RAB11A: variants seen among roughly 807,000 people sequenced by gnomAD.
RAB11A encodes RAB11A, member RAS oncogene family.
A neutral mutation model predicts 28.0 loss-of-function variants in RAB11A; 9 were observed. The observed-to-expected ratio is 0.32, with a 90% CI of 0.19 to 0.56. RAB11A has a LOEUF of 0.56. Among genes scored for constraint, RAB11A ranks in the 20% least tolerant of loss-of-function variants. The probability of loss-of-function intolerance (pLI) is 0.91; values close to 1 mark genes in which losing one functional copy is unlikely to be tolerated. For missense variants in RAB11A, 108 were observed against 269.6 expected (o/e 0.40, Z 4.20); for synonymous variants, 85 against 88.2 (o/e 0.96, Z 0.20).
chr15:65,873,042 T>C (rs2078172361), intron 1 of RAB11A, among the ~76,000 whole-genome samples: 1 of 152,190 alleles, frequency 6.6e-6, no homozygotes, highest in South Asian at 2.1e-4. Flanking sequence ...GTGGTCTAAA[T>C]AGGAATGTAA....
intron 4 of RAB11A, among the ~76,000 whole-genome samples, chr15:65,887,259 C>T (rs1346285381): frequency 1.3e-5 from 2 of 151,756 alleles, no homozygotes; most frequent in Non-Finnish European, 2.9e-5. Flanking sequence ...CGACAACCTC[C>T]GCCTCCCGGG....
chr15:65,876,185 A>C (rs1212651190), intron 1 of RAB11A, among the ~76,000 whole-genome samples: 5 of 152,230 alleles, frequency 3.3e-5, no homozygotes. Flanking sequence ...TTAGTAAATA[A>C]ACTGCTGCCT....
At chr15:65,883,777 C>T (rs1174484976) in intron 4 of RAB11A, among the ~76,000 whole-genome samples, 1 of 152,012 alleles carries the variant, frequency 6.6e-6, no homozygotes, top group African/African-American at 2.4e-5. Flanking sequence ...GTCTCTAACT[C>T]CTGGCCTCAC....
At chr15:65,876,497 A>T (rs1181193025) in intron 1 of RAB11A, among the ~76,000 whole-genome samples, 1 of 152,062 alleles carries the variant, frequency 6.6e-6, no homozygotes, top group African/African-American at 2.4e-5. Context: ...GGTTTTCACC[A>T]TGTTGGCCAG....
intron 1 of RAB11A, among the ~76,000 whole-genome samples, chr15:65,871,753 C>T (rs2141099724): frequency 6.6e-6 from 1 of 152,016 alleles, no homozygotes; most frequent in East Asian, 1.9e-4. Context: ...TACTTTATGA[C>T]CTTGGAAAAG....
intron 4 of RAB11A, among the ~76,000 whole-genome samples, chr15:65,880,588 T>C (rs1333453016): frequency 6.6e-6 from 1 of 152,216 alleles, no homozygotes; most frequent in Non-Finnish European, 1.5e-5. Context: ...GTAACAAGTT[T>C]TGATTTATTG....
rs2078299215 is a variant in RAB11A at position 65,891,850 on chromosome 15, G to C, written c.*4010G>C. On this transcript the variant is annotated 3_prime_UTR_variant, in exon 5 of 5. Transcript: ENST00000261890. ...CATCAAAGTACCATATATGCTAAGG[G>C]AGAGGAGCACTTGATGGGCTGCTAT... 6.6e-6 allele frequency: 1 copy of C among 152,106 alleles called. No individual in the cohort carries two copies. Among genetic ancestry groups the C allele is most frequent in the Non-Finnish European group, 1.5e-5 (1 of 68,026 alleles). The allele number at this position is 152,106 out of a possible 1,614,324, so 9.4% of individuals were successfully genotyped here. A position where few individuals can be genotyped will look rare whatever the true frequency, so the allele number is the denominator to read the frequency against.
intron 3 of RAB11A, 121 bp from the exon 4 acceptor site, chr15:65,879,550 C>A: frequency 3.1e-6 from 2 of 640,620 alleles, no homozygotes; most frequent in South Asian, 2.2e-5. Flanking sequence ...CCTTACTGTC[C>A]CAGAAGTTGA....
At chr15:65,883,053 CTCA>C (rs1842488508) in intron 4 of RAB11A, among the ~76,000 whole-genome samples, 1 of 152,130 alleles carries the variant, frequency 6.6e-6, no homozygotes, top group South Asian at 2.1e-4. Flanking sequence ...CATGATGACC[CTCA>C]TCCTTGAGTA....
intron 4 of RAB11A, among the ~76,000 whole-genome samples, chr15:65,884,814 T>C (rs1174596244): frequency 6.6e-6 from 1 of 151,404 alleles, no homozygotes. Flanking sequence ...AGCAGGTAAC[T>C]TCTAGCTGTC....
At chr15:65,887,376 T>C (rs1030775189) in intron 4 of RAB11A, among the ~76,000 whole-genome samples, 9 of 152,192 alleles carry the variant, frequency 5.9e-5, no homozygotes, top group African/African-American at 2.2e-4. Flanking sequence ...TTTCACCATG[T>C]TGGTCAGGCT....
At chr15:65,872,354 CCATGGGTTATGGTTT>C (rs1347560289) in intron 1 of RAB11A, among the ~76,000 whole-genome samples, 1 of 151,606 alleles carries the variant, frequency 6.6e-6, no homozygotes, top group Non-Finnish European at 1.5e-5. Flanking sequence ...TTTTATGTTT[CCATGGGTTATGGTTT>C]CATTTTGTTG....
chr15:65,882,931 C>T (rs1198550865), intron 4 of RAB11A, among the ~76,000 whole-genome samples: 3 of 152,204 alleles, frequency 2.0e-5, no homozygotes, highest in Non-Finnish European at 4.4e-5. Context: ...AAATATCCTT[C>T]ACCCATATTC....
chr15:65,875,272 G>T lies in RAB11A; in HGVS notation c.41-2060G>T, dbSNP rs189997670. ...GTTTGTATTTATTCATGTATTTTTT[G>T]TGTATTTTTTTGTATTTAAATTTTT... On this transcript the variant is annotated intron_variant, in intron 1 of 4. Coordinates refer to ENST00000261890, the MANE Select transcript of RAB11A (RefSeq NM_004663.5). Among the ~76,000 whole-genome samples the T allele has an allele frequency of 2.0e-5, 3 of 151,624 alleles. No individual in the cohort carries two copies. In the East Asian group the frequency reaches 5.8e-4, roughly 29 times the overall value.
rs759932662 is a variant in RAB11A, at chr15:65,877,456, T to C, written c.165T>C (p.Val55=). The C allele has an allele frequency of 8.7e-6, 14 of 1,613,996 alleles. No individual in the cohort carries two copies. The highest frequency in any genetic ancestry group is 1.7e-5 in the Admixed American group (1 of 60,000). The change falls in exon 2 of 5, where the codon GTT becomes GTC. Residue 55 remains valine, a synonymous_variant. Transcript: ENST00000261890. This position sits in a 1 kb window ranked among gnomAD's most constrained non-coding sequence, Gnocchi z 4.1. The part of the protein sequence containing the change: ...GVEFATRSIQ[V]DGKTIKAQIW... ...AGTTTGCAACAAGAAGCATCCAGGT[T>C]GATGGAAAAACAATAAAGGCACAGA...
Position 65,886,000 on chromosome 15 carries a change from G to C in RAB11A, c.512-1701G>C, listed in dbSNP as rs570519255. Among the ~76,000 whole-genome samples, 77 of 152,350 alleles carry C rather than the reference G, an allele frequency of 5.1e-4. 2 individuals carry two copies. The South Asian group carries it at 0.016, about 31-fold the overall frequency. ...ATCTCGTGAAAGAGTCTGTTTAAGT[G>C]TGGTTACATTCTTGATCTTACAGGG... On this transcript the variant is annotated intron_variant, in intron 4 of 4. Transcript: ENST00000261890.
At chr15:65,881,789 C>T (rs2078223825) in intron 4 of RAB11A, among the ~76,000 whole-genome samples, 1 of 150,784 alleles carries the variant, frequency 6.6e-6, no homozygotes, top group Admixed American at 6.6e-5. Context: ...CATCCTAACA[C>T]CTGTAGAACA....
chr15:65,879,464 A>G (rs2078208808), intron 3 of RAB11A, among the ~76,000 whole-genome samples: 1 of 152,218 alleles, frequency 6.6e-6, no homozygotes, highest in Non-Finnish European at 1.5e-5. Flanking sequence ...TGGGCAACCT[A>G]GTGAGACCTG....
At chr15:65,881,621 T>A (rs955052695) in intron 4 of RAB11A, among the ~76,000 whole-genome samples, 3 of 152,212 alleles carry the variant, frequency 2.0e-5, no homozygotes, top group African/African-American at 7.2e-5. Context: ...TGCAGTTAAC[T>A]ATTTTATGCA....
Sources: allele counts gnomAD v4.1 joint callset (sites outside exome capture counted in the v4.1 genomes callset), GRCh38; gene constraint gnomAD v4.1.1; non-coding constraint Gnocchi (gnomAD v3.1); transcripts MANE v1.5; gene names NCBI Gene and HGNC (gene_info 2026-07-23, HGNC 2026-07-21).